ECD: variants seen among roughly 807,000 people sequenced by gnomAD.
ECD encodes protein ecdysoneless homolog.
In ECD, 59 loss-of-function variants were observed where a neutral mutation model predicts 77.2. The observed-to-expected ratio is 0.76, with a 90% CI of 0.62 to 0.95. ECD has a LOEUF of 0.95. Ranked by LOEUF, ECD falls within the 40% of genes least tolerant of loss-of-function variation. ECD has a pLI of 0.00. For missense variants in ECD, 704 were observed against 763.4 expected (o/e 0.92, Z 0.92); for synonymous variants, 233 against 267.4 (o/e 0.87, Z 1.26).
chr10:73,146,846 A>T (rs907146668), intron 8 of ECD, among the ~76,000 whole-genome samples: 1 of 152,216 alleles, frequency 6.6e-6, no homozygotes, highest in African/African-American at 2.4e-5. Context: ...AAAGTTTGCC[A>T]AGTAGAATAA....
At chr10:73,144,558 GA>G (rs1413633770) in intron 9 of ECD, among the ~76,000 whole-genome samples, 1 of 152,158 alleles carries the variant, frequency 6.6e-6, no homozygotes, top group Non-Finnish European at 1.5e-5. Flanking sequence ...AGAGCGGGGG[GA>G]AAAGAGGGGA....
At chr10:73,150,658 G>T (rs1417276371) in intron 7 of ECD, among the ~76,000 whole-genome samples, 1 of 152,026 alleles carries the variant, frequency 6.6e-6, no homozygotes, top group Admixed American at 6.6e-5. Context: ...AATCTACAAA[G>T]AACTTAAACA....
intron 2 of ECD, among the ~76,000 whole-genome samples, chr10:73,163,254 CA>C (rs1843404395): frequency 6.6e-6 from 1 of 152,126 alleles, no homozygotes; most frequent in Admixed American, 6.5e-5. Flanking sequence ...TTGTAAGTGG[CA>C]AATATTAGTC....
chr10:73,166,967 T>C (rs1396053128), intron 1 of ECD, among the ~76,000 whole-genome samples: 1 of 152,222 alleles, frequency 6.6e-6, no homozygotes, highest in Non-Finnish European at 1.5e-5. Context: ...AAGTCTCTAA[T>C]CCATTTTGAC....
Position 73,146,316 on chromosome 10 carries a change from C to A in ECD, c.1087G>T (p.Ala363Ser). The A allele has an allele frequency of 1.9e-6, 3 of 1,610,640 alleles. No homozygotes were observed. The highest frequency in any genetic ancestry group is 2.5e-6 in the Non-Finnish European group (3 of 1,177,860). ...ACTGAGAGCTGGAAGTAATTCTCTG[C>A]CATTTCTAGCCTTTCCCGGTACTGA... The part of the protein sequence containing the change: ...SAQYRERLEM[A>S]ENYFQLSVDW... The change falls in exon 9 of 14, where the codon GCA (alanine) becomes TCA (serine). Residue 363 changes from alanine to serine, a missense_variant. By Grantham distance (99) the Ala-to-Ser change is moderately conservative (BLOSUM62 1). Coordinates refer to ENST00000372979, the MANE Select transcript of ECD (RefSeq NM_007265.3).
At chr10:73,154,124 C>CT (rs756254985) in intron 6 of ECD, 132 bp downstream of exon 6, 211 of 946,064 alleles carry the variant, frequency 2.2e-4, no homozygotes, top group South Asian at 2.9e-4. Context: ...AGAATATTTC[C>CT]TTTTTTTTCT....
At chr10:73,138,126 CT>C (rs892380527) in intron 11 of ECD, 56 bp from the exon 12 acceptor site, 3 of 1,352,840 alleles carry the variant, frequency 2.2e-6, no homozygotes, top group Non-Finnish European at 2.9e-6. Flanking sequence ...CTCTTTGAAA[CT>C]TTTCTAAAGT....
rs1589677506 is a variant in ECD at position 73,136,755 on chromosome 10, C to T, written c.1653G>A (p.Gln551=). The T allele has an allele frequency of 6.2e-7, 1 of 1,613,964 alleles. No individual in the cohort carries two copies. The highest frequency in any genetic ancestry group is 1.3e-5 in the African/African-American group (1 of 74,906). ...NLKSYMAQMD[Q]ELAHTCISKS... ...TGCTGATGCAGGTGTGTGCTAGTTC[C>T]TGGTCCATCTGGGCCATGTATGACT... The change falls in exon 13 of 14, where the codon CAG becomes CAA. Residue 551 remains glutamine, a synonymous_variant. Coordinates refer to ENST00000372979, the MANE Select transcript of ECD (RefSeq NM_007265.3).
chr10:73,149,286 TTTTAA>T (rs1234609546), intron 7 of ECD, among the ~76,000 whole-genome samples: 2 of 152,212 alleles, frequency 1.3e-5, no homozygotes, highest in Non-Finnish European at 2.9e-5. Context: ...GGTTTGTGCA[TTTTAA>T]ATGTTGATGA....
At chr10:73,137,341 G>C (rs1156722976) in intron 12 of ECD, among the ~76,000 whole-genome samples, 3 of 151,982 alleles carry the variant, frequency 2.0e-5, no homozygotes, top group African/African-American at 7.3e-5. Context: ...CTGCAGTTCT[G>C]TACATATATA....
At chr10:73,162,472 G>C (rs1439517089) in intron 2 of ECD, among the ~76,000 whole-genome samples, 1 of 152,206 alleles carries the variant, frequency 6.6e-6, no homozygotes, top group Non-Finnish European at 1.5e-5. Flanking sequence ...GTTGGTTTTA[G>C]ATGTGCTACA....
intron 9 of ECD, among the ~76,000 whole-genome samples, chr10:73,145,077 T>G (rs980997084): frequency 2.0e-5 from 3 of 152,008 alleles, no homozygotes; most frequent in African/African-American, 7.2e-5. Flanking sequence ...AAATAAAAAA[T>G]TAATGGCTGG....
intron 12 of ECD, among the ~76,000 whole-genome samples, chr10:73,137,192 TA>T (rs1367907891): frequency 6.6e-6 from 1 of 151,898 alleles, no homozygotes; most frequent in African/African-American, 2.4e-5. Flanking sequence ...ATATTTTTCT[TA>T]AAAAATTTTT....
In ECD at chr10:73,154,381, C is replaced by A. The variant is rs770808011; in HGVS notation, c.658G>T (p.Val220Leu). 6.2e-7 allele frequency: 1 copy of A among 1,614,126 alleles called. No homozygotes were observed. Among genetic ancestry groups the A allele is most frequent in the South Asian group, 1.1e-5 (1 of 91,086 alleles). ...ACCAATCTGGGGCGCTGCTTTAGCA[C>A]TGCCACAATGCCAGCTGGAAGGAAG... Reference protein sequence around the residue: ...HCFLPAGIVAVLKQRPRLVAA... With the variant: ...HCFLPAGIVALLKQRPRLVAA... The change falls in exon 6 of 14, where the codon GTG (valine) becomes TTG (leucine). Residue 220 changes from valine (V) to leucine (L), a missense_variant. This residue lies in a region of ECD where 559 missense variants were observed against 583.7 expected (regional missense o/e 0.96). Transcript: ENST00000372979.
intron 12 of ECD, 114 bp downstream of exon 12, chr10:73,137,889 C>T (rs1445890065): frequency 1.4e-6 from 1 of 725,228 alleles, no homozygotes; most frequent in East Asian, 3.4e-5. Flanking sequence ...CAACTCAAAC[C>T]AGGAAGAGAA....
intron 2 of ECD, among the ~76,000 whole-genome samples, chr10:73,161,882 G>A (rs1843385477): frequency 6.6e-6 from 1 of 152,112 alleles, no homozygotes; most frequent in Non-Finnish European, 1.5e-5. Flanking sequence ...TTCAACACAC[G>A]AAAATCAATG....
intron 5 of ECD, among the ~76,000 whole-genome samples, chr10:73,155,911 T>A (rs994045619): frequency 4.6e-5 from 7 of 152,176 alleles, no homozygotes; most frequent in South Asian, 2.1e-4. Context: ...GCCCATGAAG[T>A]TTCTATTTTT....
At chr10:73,138,919 C>A (rs1308458787) in intron 11 of ECD, among the ~76,000 whole-genome samples, 1 of 151,804 alleles carries the variant, frequency 6.6e-6, no homozygotes, top group Non-Finnish European at 1.5e-5. Flanking sequence ...AATGTAGTTT[C>A]ATATTTCTGT....
intron 3 of ECD, among the ~76,000 whole-genome samples, chr10:73,157,866 T>C (rs1427942737): frequency 6.6e-6 from 1 of 152,110 alleles, no homozygotes; most frequent in East Asian, 1.9e-4. Flanking sequence ...TATATACTTG[T>C]ATTTTCTCCC....
Sources: gnomAD v4.1 joint callset for allele counts (sites outside exome capture counted in the v4.1 genomes callset) on GRCh38, gnomAD v4.1.1 for gene constraint, gnomAD v4.1.1 regional missense constraint, MANE v1.5 for transcripts, NCBI Gene and HGNC (gene_info 2026-07-23, HGNC 2026-07-21) for gene names.